Variants in COG5 observed in about 807,000 individuals in gnomAD.
The protein encoded by COG5 is component of oligomeric golgi complex 5, also known as conserved oligomeric Golgi complex subunit 5.
A neutral mutation model predicts 110.4 loss-of-function variants in COG5; 86 were observed. The ratio of observed to expected loss-of-function variants is 0.78; its 90% CI spans 0.65 to 0.93. COG5 has a LOEUF of 0.93. Among genes scored for constraint, COG5 ranks in the 40% least tolerant of loss-of-function variants. COG5 has a pLI of 0.00. For missense variants in COG5, 1,077 were observed against 987.0 expected (o/e 1.09, Z -1.22); for synonymous variants, 360 against 334.6 (o/e 1.08, Z -0.83).
chr7:107,211,404 CCACGTGCT>C (rs952748109), intron 19 of COG5, among the ~76,000 whole-genome samples, 179 bp from the exon 20 acceptor site: 131 of 152,228 alleles, frequency 8.6e-4, no homozygotes, highest in Middle Eastern at 3.4e-3. Flanking sequence ...CCCCACATGC[CCACGTGCT>C]CACAGGCTGA....
chr7:107,293,397 T>C (rs1055062360), intron 12 of COG5, among the ~76,000 whole-genome samples: 7 of 152,174 alleles, frequency 4.6e-5, no homozygotes, highest in African/African-American at 1.7e-4. Context: ...CCTGTGTTCT[T>C]GGCTACTGCA....
At chr7:107,281,253 A>G in intron 14 of COG5, 47 bp downstream of exon 14, 1 of 1,238,686 alleles carries the variant, frequency 8.1e-7, no homozygotes, top group Non-Finnish European at 1.2e-6. Flanking sequence ...ATAGTTAGTA[A>G]TTTTAAATAA....
chr7:107,429,136 TA>T (rs917988208), intron 6 of COG5, among the ~76,000 whole-genome samples: 34 of 152,350 alleles, frequency 2.2e-4, no homozygotes, highest in Admixed American at 1.6e-3. Context: ...GAGTACCACT[TA>T]AAATTTTATC....
At chr7:107,286,559 T>A (rs746477806) in intron 12 of COG5, among the ~76,000 whole-genome samples, 3 of 152,238 alleles carry the variant, frequency 2.0e-5, no homozygotes, top group Non-Finnish European at 2.9e-5. Context: ...TGGACATTTA[T>A]ACAAACTTCT....
At chr7:107,337,958 A>G (rs911797025) in intron 10 of COG5, among the ~76,000 whole-genome samples, 2 of 152,186 alleles carry the variant, frequency 1.3e-5, no homozygotes, top group Admixed American at 6.5e-5. Flanking sequence ...GATCAAAACC[A>G]GTATCCTCAG....
chr7:107,548,095 A>C lies in COG5; in HGVS notation c.417+16T>G, dbSNP rs749662252. ...AATGAATAATAAAGTATAAAGAAAT[A>C]AAAGTAAGAAACTACCTGAAGTCTT... On this transcript the variant is annotated intron_variant, in intron 5 of 21. Coordinates refer to ENST00000297135, the MANE Select transcript of COG5 (RefSeq NM_006348.5). The C allele has an allele frequency of 3.1e-6, 5 of 1,601,774 alleles. No homozygotes were observed. The highest frequency in any genetic ancestry group is 3.4e-6 in the Non-Finnish European group (4 of 1,169,316).
intron 14 of COG5, among the ~76,000 whole-genome samples, chr7:107,264,305 A>G (rs933307389): frequency 1.3e-5 from 2 of 152,114 alleles, no homozygotes; most frequent in Non-Finnish European, 2.9e-5. Flanking sequence ...CAGTTCAATG[A>G]TCCTCTAGTC....
intron 10 of COG5, among the ~76,000 whole-genome samples, chr7:107,353,495 A>C (rs928871529): frequency 6.6e-6 from 1 of 152,044 alleles, no homozygotes; most frequent in Non-Finnish European, 1.5e-5. Context: ...AAATGCCAAA[A>C]TAATATGGAT....
intron 14 of COG5, among the ~76,000 whole-genome samples, chr7:107,261,328 C>G (rs1333772165): frequency 6.6e-6 from 1 of 152,150 alleles, no homozygotes; most frequent in Admixed American, 6.5e-5. Context: ...CTCTCTCTCT[C>G]TCTCTCTCTC....
chr7:107,347,291 G>C (rs1811706449), intron 10 of COG5, among the ~76,000 whole-genome samples: 1 of 152,182 alleles, frequency 6.6e-6, no homozygotes, highest in Non-Finnish European at 1.5e-5. Flanking sequence ...ACTCAAGTAT[G>C]TGATATACAG....
At chr7:107,438,700 A>G (rs1794517161) in intron 6 of COG5, among the ~76,000 whole-genome samples, 2 of 152,216 alleles carry the variant, frequency 1.3e-5, no homozygotes. Flanking sequence ...TATACTGTTT[A>G]CAACCAAACA....
chr7:107,489,744 G>A (rs1797870699), intron 6 of COG5, among the ~76,000 whole-genome samples: 1 of 152,066 alleles, frequency 6.6e-6, no homozygotes, highest in Non-Finnish European at 1.5e-5. Context: ...AAAACTTTAA[G>A]GGCATATGTA....
At chr7:107,468,663 C>G (rs1289827118) in intron 6 of COG5, among the ~76,000 whole-genome samples, 1 of 152,152 alleles carries the variant, frequency 6.6e-6, no homozygotes, top group Non-Finnish European at 1.5e-5. Flanking sequence ...TCATATTGGT[C>G]AGCTATTCCC....
intron 17 of COG5, among the ~76,000 whole-genome samples, chr7:107,242,554 G>A (rs1801728804): frequency 6.6e-6 from 1 of 152,242 alleles, no homozygotes; most frequent in African/African-American, 2.4e-5. Flanking sequence ...AGTGGCAGCT[G>A]AGAGCCTCTT....
At chr7:107,297,220 G>A (rs1441377768) in intron 12 of COG5, among the ~76,000 whole-genome samples, 1 of 152,132 alleles carries the variant, frequency 6.6e-6, no homozygotes, top group African/African-American at 2.4e-5. Context: ...GGTCGTGGCT[G>A]TAATGAAACA....
Position 107,358,404 on chromosome 7 carries a change from A to T in COG5, c.1026+3629T>A, listed in dbSNP as rs11978198. Among the ~76,000 whole-genome samples, 859 of 152,328 alleles carry T rather than the reference A, an allele frequency of 5.6e-3. 5 individuals carry two copies. The highest frequency in any genetic ancestry group is 0.027 in the Middle Eastern group (8 of 294). On this transcript the variant is annotated intron_variant, in intron 10 of 21. Transcript: ENST00000297135. ...TCCCATCTAGTAATAAATGCAAAACATGAGTGACTATACACCTTGACAAAA... is the reference window on the plus strand; with the variant it reads ...TCCCATCTAGTAATAAATGCAAAACTTGAGTGACTATACACCTTGACAAAA...
At chr7:107,464,281 T>G (rs890017721) in intron 6 of COG5, among the ~76,000 whole-genome samples, 26 of 152,212 alleles carry the variant, frequency 1.7e-4, no homozygotes, top group African/African-American at 6.0e-4. Context: ...TCAGAAGCCC[T>G]TCATTCAGCA....
intron 13 of COG5, 109 bp downstream of exon 13, chr7:107,283,462 C>T (rs1805350869): frequency 1.1e-6 from 1 of 909,154 alleles, no homozygotes; most frequent in African/African-American, 1.7e-5. Context: ...TAATTGTGGG[C>T]CTAATTACTT....
chr7:107,221,486 C>G (rs1305310944), intron 19 of COG5, among the ~76,000 whole-genome samples: 1 of 151,940 alleles, frequency 6.6e-6, no homozygotes, highest in Admixed American at 6.6e-5. Context: ...CTTTCTTGGC[C>G]AGGTGTGGTG....
Sources: allele counts gnomAD v4.1 joint callset (sites outside exome capture counted in the v4.1 genomes callset), GRCh38; gene constraint gnomAD v4.1.1; transcripts MANE v1.5; gene names NCBI Gene and HGNC (gene_info 2026-07-23, HGNC 2026-07-21).